Variants in RNF169 observed in about 807,000 individuals in gnomAD.
RNF169 encodes the protein E3 ubiquitin-protein ligase RNF169.
Under a neutral mutation model 53.9 loss-of-function variants are expected in RNF169, and 24 were observed. The ratio of observed to expected loss-of-function variants is 0.45; its 90% CI spans 0.32 to 0.63. The LOEUF (loss-of-function observed/expected upper bound fraction) is 0.63. Ranked by LOEUF, RNF169 falls within the 20% of genes least tolerant of loss-of-function variation. The probability of loss-of-function intolerance (pLI) is 0.04; values close to 1 mark genes in which losing one functional copy is unlikely to be tolerated. For synonymous variants in RNF169, 396 were observed against 363.5 expected, an observed-to-expected ratio of 1.09 and a Z score of -1.02; for missense variants, 883 against 906.2, an observed-to-expected ratio of 0.97 and a Z score of 0.33.
At chr11:74,799,098 T>TTG (rs397814377) in intron 2 of RNF169, among the ~76,000 whole-genome samples, 4 of 148,866 alleles carry the variant, frequency 2.7e-5, no homozygotes, top group Admixed American at 2.7e-4. Flanking sequence ...TTTTTTTTTT[T>TTG]GCTACACTAT....
Position 74,817,603 on chromosome 11 carries a change from C to T in RNF169, c.731C>T (p.Ala244Val), listed in dbSNP as rs201868641. 1.4e-4 allele frequency: 218 copies of T among 1,606,618 alleles called. No individual in the cohort carries two copies. The highest frequency in any genetic ancestry group is 3.9e-5 in the Non-Finnish European group (46 of 1,173,276). ...CCCTTGTCTCCCTGCCAGTGTCCTG[C>T]ACGTCTCTCAGATTCAGAGAATGAA... Reference protein sequence around the residue: ...VLKTNLERCPARLSDSENEEP... With the variant: ...VLKTNLERCPVRLSDSENEEP... Residue 244 changes from alanine to valine, a missense_variant, in exon 4 of 6, where the codon GCA becomes GTA. Around this residue, in one of 3 missense-constraint regions of RNF169, gnomAD observed 219 missense variants for 289.1 expected, o/e 0.76. Coordinates refer to ENST00000299563, the MANE Select transcript of RNF169 (RefSeq NM_001098638.2).
intron 1 of RNF169, among the ~76,000 whole-genome samples, chr11:74,762,279 C>T (rs1007286449): frequency 2.0e-5 from 3 of 151,154 alleles, no homozygotes; most frequent in African/African-American, 4.9e-5. Flanking sequence ...GTAATTTGAT[C>T]GTCTGAAGCC....
chr11:74,749,349 G>T lies in RNF169; in HGVS notation c.469G>T (p.Glu157Ter). 1 of 1,228,446 alleles carries T rather than the reference G, an allele frequency of 8.1e-7. No homozygotes were observed. Among genetic ancestry groups the T allele is most frequent in the South Asian group, 3.8e-5 (1 of 26,204 alleles). 76.1% of individuals were successfully genotyped at this position (1,228,446 alleles called of 1,614,324 possible). The part of the protein sequence containing the change: ...GGAAAAGPRP[E>*]QEPRAAPAEP... ...CGCGGCTGCCGCGGGGCCCAGGCCAGAGCAGGAGCCGCGTGCCGCGCCTGC... is the reference window on the plus strand; with the variant it reads ...CGCGGCTGCCGCGGGGCCCAGGCCATAGCAGGAGCCGCGTGCCGCGCCTGC... Residue 157 changes from glutamate (E) to a stop codon, truncating the protein, a stop_gained, in exon 1 of 6, where the codon GAG becomes TAG. Transcript: ENST00000299563. LOFTEE classifies it high-confidence loss of function.
intron 2 of RNF169, among the ~76,000 whole-genome samples, chr11:74,792,291 A>G (rs1452995197): frequency 6.6e-6 from 1 of 152,228 alleles, no homozygotes; most frequent in Admixed American, 6.5e-5. Flanking sequence ...AGATCTTTTT[A>G]GACATTTTGA....
intron 2 of RNF169, among the ~76,000 whole-genome samples, chr11:74,792,022 G>T (rs141863206): frequency 6.6e-6 from 1 of 152,290 alleles, no homozygotes; most frequent in Non-Finnish European, 1.5e-5. Context: ...GTTTAACAAG[G>T]TCACATTAAA....
intron 4 of RNF169, among the ~76,000 whole-genome samples, chr11:74,821,509 T>C (rs1292452941): frequency 2.6e-5 from 3 of 115,566 alleles, no homozygotes; most frequent in African/African-American, 1.4e-4. Context: ...ATACAAAAAA[T>C]TAGCCGGGCG....
Position 74,836,344 on chromosome 11 carries a change from A to G in RNF169, c.1741A>G (p.Ser581Gly), listed in dbSNP as rs2036257190. The change falls in exon 6 of 6, where the codon AGT (serine) becomes GGT (glycine). Residue 581 changes from serine to glycine, a missense_variant. Around this residue, in one of 3 missense-constraint regions of RNF169, gnomAD observed 351 missense variants for 337.3 expected, o/e 1.04. Transcript: ENST00000299563. ...TTVNSVLPQN[S>G]VLGGVLKTKQ... Reference sequence around the variant, plus strand: ...AGTTAATTCAGTGCTACCCCAAAACAGTGTTTTGGGTGGAGTCCTCAAAAC... The same window carrying G: ...AGTTAATTCAGTGCTACCCCAAAACGGTGTTTTGGGTGGAGTCCTCAAAAC... 2 of 1,614,064 alleles carry G rather than the reference A, an allele frequency of 1.2e-6. No individual in the cohort carries two copies. Among genetic ancestry groups the G allele is most frequent in the Non-Finnish European group, 1.7e-6 (2 of 1,180,026 alleles).
chr11:74,825,964 G>A (rs998497287), intron 4 of RNF169, among the ~76,000 whole-genome samples: 18 of 152,164 alleles, frequency 1.2e-4, no homozygotes, highest in Non-Finnish European at 2.9e-5. Context: ...GTCAAAGCAG[G>A]CACCTTCTTC....
intron 1 of RNF169, among the ~76,000 whole-genome samples, chr11:74,754,495 T>A (rs1176381822): frequency 6.6e-6 from 1 of 152,212 alleles, no homozygotes; most frequent in Admixed American, 6.5e-5. Context: ...TAAATTTTTT[T>A]ATCTTCGTGG....
intron 1 of RNF169, among the ~76,000 whole-genome samples, chr11:74,774,975 A>T (rs375300988): frequency 3.9e-5 from 6 of 152,208 alleles, no homozygotes; most frequent in African/African-American, 1.4e-4. Context: ...CTCCATCTCA[A>T]ACAAAAAATA....
chr11:74,761,528 A>G (rs912185046), intron 1 of RNF169, among the ~76,000 whole-genome samples: 10 of 150,822 alleles, frequency 6.6e-5, no homozygotes, highest in Non-Finnish European at 1.5e-5. Flanking sequence ...ATCTCTCAGC[A>G]TTTGCTTGTC....
chr11:74,825,086 G>T (rs892030714), intron 4 of RNF169, among the ~76,000 whole-genome samples: 4 of 152,076 alleles, frequency 2.6e-5, no homozygotes, highest in African/African-American at 9.7e-5. Context: ...TAGACTTCAG[G>T]TTAAAAATTG....
chr11:74,818,318 T>A (rs561134683), intron 4 of RNF169, among the ~76,000 whole-genome samples: 1 of 152,294 alleles, frequency 6.6e-6, no homozygotes, highest in Admixed American at 6.5e-5. Context: ...GGAGGACTCA[T>A]GCATACATTC....
intron 2 of RNF169, among the ~76,000 whole-genome samples, chr11:74,809,491 C>T (rs1320585176): frequency 6.6e-6 from 1 of 152,164 alleles, no homozygotes; most frequent in African/African-American, 2.4e-5. Flanking sequence ...TGCCATGCCA[C>T]CTCCCCAAAA....
chr11:74,775,197 T>A (rs2035315346), intron 1 of RNF169, among the ~76,000 whole-genome samples: 1 of 152,000 alleles, frequency 6.6e-6, no homozygotes, highest in Admixed American at 6.5e-5. Flanking sequence ...CTGGAGAGAA[T>A]GGAGGAAATG....
At chr11:74,808,580 C>T (rs1040508254) in intron 2 of RNF169, among the ~76,000 whole-genome samples, 7 of 152,176 alleles carry the variant, frequency 4.6e-5, no homozygotes, top group South Asian at 4.1e-4. Context: ...AATTTAAACA[C>T]GTTACCTAAC....
At chr11:74,815,264 A>T (rs2135124373) in intron 3 of RNF169, among the ~76,000 whole-genome samples, 1 of 152,348 alleles carries the variant, frequency 6.6e-6, no homozygotes, top group Admixed American at 6.5e-5. Flanking sequence ...AATAATTGAA[A>T]GGAACTTGGC....
At chr11:74,799,956 C>G in intron 2 of RNF169, among the ~76,000 whole-genome samples, 1 of 149,744 alleles carries the variant, frequency 6.7e-6, no homozygotes. Context: ...TTTTACTGCC[C>G]TTTTAAAATT....
chr11:74,830,263 A>G (rs2036158501), intron 4 of RNF169, among the ~76,000 whole-genome samples: 1 of 152,194 alleles, frequency 6.6e-6, no homozygotes, highest in South Asian at 2.1e-4. Context: ...AAGATCAACA[A>G]AATTGACAAA....
Sources: gnomAD v4.1 joint callset for allele counts (sites outside exome capture counted in the v4.1 genomes callset) on GRCh38, gnomAD v4.1.1 for gene constraint, gnomAD v4.1.1 regional missense constraint, MANE v1.5 for transcripts, NCBI Gene and HGNC (gene_info 2026-07-23, HGNC 2026-07-21) for gene names.